CUBN: variants seen among roughly 807,000 people sequenced by gnomAD.
CUBN encodes 460 kDa receptor.
Under a neutral mutation model 405.3 loss-of-function variants are expected in CUBN, and 282 were observed. The ratio of observed to expected loss-of-function variants is 0.70; its 90% confidence interval spans 0.63 to 0.77. The LOEUF is 0.77. Among genes scored for constraint, CUBN ranks in the 30% least tolerant of loss-of-function variants. CUBN has a pLI of 0.00. For synonymous variants in CUBN, 1,684 were observed against 1,617.0 expected (o/e 1.04, Z -0.99); for missense variants, 4,514 against 4,475.2 (o/e 1.01, Z -0.25).
chr10:17,099,459 C>A (rs576811227), intron 14 of CUBN, among the ~76,000 whole-genome samples: 155 of 152,294 alleles, frequency 1.0e-3, no homozygotes, highest in African/African-American at 3.7e-3. Context: ...AAGGGACCAA[C>A]TAAGACTCAT....
In CUBN at chr10:17,019,833, C is replaced by T. The variant is rs386833787; in HGVS notation, c.4168G>A (p.Gly1390Ser). 1.9e-5 allele frequency: 30 copies of T among 1,614,090 alleles called. No homozygotes were observed. The highest frequency in any genetic ancestry group is 2.7e-5 in the African/African-American group (2 of 75,040). The change falls in exon 28 of 67, where the codon GGT becomes AGT. Residue 1390 changes from glycine (G) to serine (S), a missense_variant and splice_region_variant. Transcript: ENST00000377833. ...CAACTGAGATCAGCACCTGGCTTAC[C>T]GTAAACAAACCACTGCATCTGAAAT... is the stretch of plus-strand genomic sequence containing the variant. ...KGFQMQWFVY[G>S]CGGELSGATG...
At chr10:16,890,288 C>A in intron 55 of CUBN, 83 bp downstream of exon 55, 2 of 1,376,108 alleles carry the variant, frequency 1.5e-6, no homozygotes, top group South Asian at 2.3e-5. Flanking sequence ...CTCCCCTAGA[C>A]CCCCAGGTTT....
At chr10:16,917,484 T>C (rs1399130737) in intron 45 of CUBN, among the ~76,000 whole-genome samples, 1 of 152,172 alleles carries the variant, frequency 6.6e-6, no homozygotes, top group Non-Finnish European at 1.5e-5. Context: ...TTAGAAAAGT[T>C]ATGTAAATGT....
Position 16,937,732 on chromosome 10 carries a change from G to T in CUBN, c.5786C>A (p.Thr1929Asn). ...HARLIGAYCG[T>N]QTESFSSTGN... The stretch of plus-strand genomic sequence containing the variant: ...AGTGGAGCTGAAAGATTCAGTCTGG[G>T]TACCACAGTAAGCTCCAATTAGGCG... The change falls in exon 39 of 67, where the codon ACC becomes AAC. Residue 1929 changes from threonine to asparagine, a missense_variant. Physicochemically the swap from Thr to Asn is moderately conservative, Grantham distance 65 (BLOSUM62 0). This residue lies in a region of CUBN where 1,613 missense variants were observed against 1,542.8 expected (regional missense o/e 1.05). Transcript: ENST00000377833. The T allele has an allele frequency of 6.2e-7, 1 of 1,614,046 alleles. No homozygotes were observed. The highest frequency in any genetic ancestry group is 8.5e-7 in the Non-Finnish European group (1 of 1,179,984).
At chr10:16,859,670 C>T (rs529331755) in intron 59 of CUBN, among the ~76,000 whole-genome samples, 1 of 152,042 alleles carries the variant, frequency 6.6e-6, no homozygotes, top group African/African-American at 2.4e-5. Flanking sequence ...TTTCGAAAAA[C>T]AAAAACAAAG....
chr10:16,945,019 A>G (rs1366023675), intron 36 of CUBN, among the ~76,000 whole-genome samples: 2 of 152,218 alleles, frequency 1.3e-5, no homozygotes, highest in Admixed American at 6.5e-5. Flanking sequence ...GTTTATAGAA[A>G]CTTGTTATTA....
chr10:17,049,935 A>T (rs1835225457), intron 22 of CUBN, among the ~76,000 whole-genome samples: 1 of 152,186 alleles, frequency 6.6e-6, no homozygotes, highest in Non-Finnish European at 1.5e-5. Flanking sequence ...CTAAGACTTT[A>T]TTAACCATTA....
At position 16,828,658 on chromosome 10, in the gene CUBN, C is replaced by T. The variant is rs528687932; in HGVS notation, c.10764+147G>A. The T allele has an allele frequency of 7.3e-6, 5 of 682,344 alleles. No individual in the cohort carries two copies. In the African/African-American group the frequency reaches 9.0e-5, roughly 12 times the overall value. The allele number at this position is 682,344 out of a possible 1,614,324, so 42.3% of individuals were successfully genotyped here. On this transcript the variant is annotated intron_variant, in intron 66 of 66. Coordinates refer to ENST00000377833, the MANE Select transcript of CUBN (RefSeq NM_001081.4). ...GCTTGAACCCAGGAGGCGGAGGTTG[C>T]AGTGAGTTGAGATTGCGCGCACCAC... is the stretch of plus-strand genomic sequence containing the variant.
intron 27 of CUBN, among the ~76,000 whole-genome samples, chr10:17,032,927 T>C (rs892590003): frequency 6.6e-6 from 1 of 152,156 alleles, no homozygotes; most frequent in African/African-American, 2.4e-5. Context: ...TCTCTGTCAA[T>C]TGTACCTCCT....
chr10:16,966,812 C>T (rs563675152), intron 31 of CUBN, among the ~76,000 whole-genome samples: 1 of 152,288 alleles, frequency 6.6e-6, no homozygotes, highest in Admixed American at 6.5e-5. Flanking sequence ...TGCCTTTGAT[C>T]TTAGCAGGGT....
At chr10:16,881,023 A>AT (rs1840654065) in intron 56 of CUBN, among the ~76,000 whole-genome samples, 1 of 152,222 alleles carries the variant, frequency 6.6e-6, no homozygotes, top group Non-Finnish European at 1.5e-5. Flanking sequence ...TAACCTCAGT[A>AT]TTTGTCTTTA....
At chr10:17,066,103 T>C (rs1390720355) in intron 21 of CUBN, among the ~76,000 whole-genome samples, 4 of 152,172 alleles carry the variant, frequency 2.6e-5, no homozygotes, top group Non-Finnish European at 2.9e-5. Context: ...GTTTTGAGAA[T>C]GTGATGAGTT....
At position 17,103,179 on chromosome 10, in the gene CUBN, A is replaced by G; in HGVS notation, c.1476T>C (p.Val492=). Reference sequence around the variant, plus strand: ...AGCAGTTAACATCATGAACATAACCAACATCCGGGCTCCTGTAGCTGAAGC... The same window carrying G: ...AGCAGTTAACATCATGAACATAACCGACATCCGGGCTCCTGTAGCTGAAGC... ...NGSFSYRSPD[V]GYVHDVNCFW... is the part of the protein sequence containing the mutation. Residue 492 remains valine, a synonymous_variant, in exon 13 of 67, where the codon GTT becomes GTC. Coordinates refer to ENST00000377833, the MANE Select transcript of CUBN (RefSeq NM_001081.4). 1 of 1,614,086 alleles carries G rather than the reference A, an allele frequency of 6.2e-7. No homozygotes were observed. The highest frequency in any genetic ancestry group is 8.5e-7 in the Non-Finnish European group (1 of 1,179,968).
chr10:16,898,901 T>C (rs1218772119), intron 54 of CUBN, 95 bp downstream of exon 54: 9 of 958,872 alleles, frequency 9.4e-6, no homozygotes, highest in Admixed American at 6.9e-5. Flanking sequence ...GGCAGCAAAA[T>C]TTTCTTACTT....
At chr10:16,834,262 A>C (rs760360701) in intron 64 of CUBN, among the ~76,000 whole-genome samples, 172 of 152,188 alleles carry the variant, frequency 1.1e-3, no homozygotes, top group Non-Finnish European at 2.0e-3. Flanking sequence ...TGCCCAATGC[A>C]GCGATGGGGC....
At chr10:17,084,182 G>T in intron 17 of CUBN, 89 bp downstream of exon 17, 1 of 1,300,078 alleles carries the variant, frequency 7.7e-7, no homozygotes, top group Non-Finnish European at 1.1e-6. Flanking sequence ...GGCTGCTGGT[G>T]GCCCAACAAT....
At chr10:17,103,904 C>G (rs958620947) in intron 12 of CUBN, among the ~76,000 whole-genome samples, 8 of 151,770 alleles carry the variant, frequency 5.3e-5, no homozygotes, top group African/African-American at 1.9e-4. Context: ...GGTCCGGTGA[C>G]GAAAGAAAAC....
Position 17,123,553 on chromosome 10 carries a change from T to G in CUBN, c.489+35A>C, listed in dbSNP as rs2273737. Reference sequence around the variant, plus strand: ...TCCAAGGAAACCACAGATGCTGACCTGCCATCATTCTTAACCAAAGAGTAG... The same window carrying G: ...TCCAAGGAAACCACAGATGCTGACCGGCCATCATTCTTAACCAAAGAGTAG... On this transcript the variant is annotated intron_variant, in intron 5 of 66. Coordinates refer to ENST00000377833, the MANE Select transcript of CUBN (RefSeq NM_001081.4). 0.093 allele frequency: 134,371 copies of G among 1,452,092 alleles called. 7,455 individuals are homozygous for G. Among genetic ancestry groups the G allele is most frequent in the South Asian group, 0.2 (17,201 of 86,456 alleles). 90.0% of individuals were successfully genotyped at this position (1,452,092 alleles called of 1,614,324 possible).
At chr10:16,964,424 A>G (rs1345184640) in intron 31 of CUBN, among the ~76,000 whole-genome samples, 1 of 152,184 alleles carries the variant, frequency 6.6e-6, no homozygotes, top group Non-Finnish European at 1.5e-5. Flanking sequence ...ACAAAATTAT[A>G]TATAATATTA....
Sources: allele counts gnomAD v4.1 joint callset (sites outside exome capture counted in the v4.1 genomes callset), GRCh38; gene constraint gnomAD v4.1.1; regional missense constraint gnomAD v4.1.1; transcripts MANE v1.5; gene names NCBI Gene and HGNC (gene_info 2026-07-23, HGNC 2026-07-21).